The following RTN4RL1 variants were observed in gnomAD, a reference collection of about 807,000 sequenced individuals.
RTN4RL1 encodes the protein reticulon 4 receptor like 1.
RTN4RL1 carries 7 observed loss-of-function variants against 25.6 expected under a neutral mutation model. That is an observed-to-expected ratio of 0.27 (90% CI 0.16 to 0.51). The LOEUF (loss-of-function observed/expected upper bound fraction) is 0.51, where lower values mean the gene tolerates loss of function less well. Among genes scored for constraint, RTN4RL1 ranks in the 20% least tolerant of loss-of-function variants. RTN4RL1 has a pLI of 0.97. For synonymous variants in RTN4RL1, 297 were observed against 288.2 expected, an observed-to-expected ratio of 1.03 and a Z score of -0.31; for missense variants, 500 against 615.6, an observed-to-expected ratio of 0.81 and a Z score of 1.99.
intron 1 of RTN4RL1, among the ~76,000 whole-genome samples, chr17:2,002,659 TTC>T (rs1462776059): frequency 1.3e-5 from 2 of 151,996 alleles, no homozygotes; most frequent in African/African-American, 2.4e-5. Flanking sequence ...TTCCTTTCTT[TTC>T]TCTGTCTCTG....
intron 1 of RTN4RL1, among the ~76,000 whole-genome samples, chr17:1,961,773 CAAAAAAA>C (rs1163170575): frequency 0.012 from 650 of 55,622 alleles, 6 homozygotes; most frequent in African/African-American, 0.038. Context: ...ACTAAAAATA[CAAAAAAA>C]AAAAAAAAAA....
At position 1,968,759 on chromosome 17, in the gene RTN4RL1, C is replaced by T. The variant is rs1483524895; in HGVS notation, c.14-30951G>A. On this transcript the variant is annotated intron_variant, in intron 1 of 1. Coordinates refer to ENST00000331238, the MANE Select transcript of RTN4RL1 (RefSeq NM_178568.4). ...CCCTCCTTCCCGCACCTGCCTGGCTCATTGCACTTGTTCTTTGAACTTGGC... is the reference window on the plus strand; with the variant it reads ...CCCTCCTTCCCGCACCTGCCTGGCTTATTGCACTTGTTCTTTGAACTTGGC... 1.1e-4 allele frequency among the ~76,000 whole-genome samples: 16 copies of T among 152,360 alleles called. 1 individual carries two copies. In the East Asian group the frequency reaches 1.2e-3, roughly 11 times the overall value.
intron 1 of RTN4RL1, chr17:2,020,029 CTCT>C (rs1320797942): frequency 6.6e-6 from 1 of 152,178 alleles, no homozygotes; most frequent in Non-Finnish European, 1.5e-5. Context: ...AAAATCTCTC[CTCT>C]TGACGTCTTT....
chr17:1,999,691 C>CGCACAGGCACACACACTCTT (rs2066948079), intron 1 of RTN4RL1, among the ~76,000 whole-genome samples: 1 of 151,706 alleles, frequency 6.6e-6, no homozygotes, highest in South Asian at 2.1e-4. Flanking sequence ...CACACACACA[C>CGCACAGGCACACACACTCTT]GCACAGGCAC....
chr17:2,004,316 C>T lies in RTN4RL1; in HGVS notation c.13+20537G>A, dbSNP rs561883526. 1.2e-3 allele frequency among the ~76,000 whole-genome samples: 174 copies of T among 139,324 alleles called. 1 individual carries two copies. Among genetic ancestry groups the T allele is most frequent in the Non-Finnish European group, 2.1e-3 (137 of 66,478 alleles). 91.4% of individuals were successfully genotyped at this position (139,324 alleles called of 152,430 possible). ...CTGGGAGGCGGAACTTGGAGTGAGC[C>T]GAGATCGCGCCACTGCACTCCAGCC... On this transcript the variant is annotated intron_variant, in intron 1 of 1. Coordinates refer to ENST00000331238, the MANE Select transcript of RTN4RL1 (RefSeq NM_178568.4).
intron 1 of RTN4RL1, among the ~76,000 whole-genome samples, chr17:2,015,409 A>G (rs1290574326): frequency 2.0e-5 from 3 of 152,154 alleles, no homozygotes; most frequent in African/African-American, 7.2e-5. Flanking sequence ...CTGGGGAGTC[A>G]GTCAATGGCC....
chr17:1,945,089 G>A (rs116362460), intron 1 of RTN4RL1, among the ~76,000 whole-genome samples: 59 of 152,204 alleles, frequency 3.9e-4, no homozygotes, highest in African/African-American at 1.3e-3. Flanking sequence ...CCTTTTGCAC[G>A]TGCTGTTCCC....
Position 1,937,628 on chromosome 17 carries a change from C to A in RTN4RL1, c.194G>T (p.Arg65Leu). 1.9e-6 allele frequency: 3 copies of A among 1,613,838 alleles called. No homozygotes were observed. Among genetic ancestry groups the A allele is most frequent in the South Asian group, 1.1e-5 (1 of 91,058 alleles). Residue 65 changes from arginine to leucine, a missense_variant, in exon 2 of 2, where the codon CGC (arginine) becomes CTC (leucine). Arg to Leu is a moderately radical substitution (Grantham distance 102, BLOSUM62 -2). Transcript: ENST00000331238. ...GTGGCCGGGCTGGAGGAGGCCGATG[C>A]GGTTGTTCTGCAGGAAGACGCGCTC... The part of the protein sequence containing the change: ...DSERVFLQNN[R>L]IGLLQPGHFS...
chr17:1,953,094 AAAAT>A (rs1447790043), intron 1 of RTN4RL1, among the ~76,000 whole-genome samples: 2 of 151,466 alleles, frequency 1.3e-5, no homozygotes, highest in Admixed American at 6.6e-5. Context: ...AAAATAAAAT[AAAAT>A]AAATAAATAT....
At chr17:2,010,821 G>C (rs910402711) in intron 1 of RTN4RL1, among the ~76,000 whole-genome samples, 2 of 152,124 alleles carry the variant, frequency 1.3e-5, no homozygotes, top group African/African-American at 4.8e-5. Flanking sequence ...TCCTGGGTTC[G>C]AGTGATCCTC....
intron 1 of RTN4RL1, among the ~76,000 whole-genome samples, chr17:1,973,868 G>A (rs758158828): frequency 1.3e-5 from 2 of 151,756 alleles, no homozygotes; most frequent in African/African-American, 2.4e-5. Context: ...GTGAAACCCC[G>A]TCTCTACTAA....
At chr17:1,941,566 G>C (rs1474425034) in intron 1 of RTN4RL1, among the ~76,000 whole-genome samples, 1 of 152,192 alleles carries the variant, frequency 6.6e-6, no homozygotes, top group African/African-American at 2.4e-5. Context: ...TCCCGTCCCA[G>C]TGCCTGAGGA....
intron 1 of RTN4RL1, among the ~76,000 whole-genome samples, chr17:2,012,409 C>T (rs979408356): frequency 5.3e-5 from 8 of 152,194 alleles, no homozygotes; most frequent in Non-Finnish European, 1.2e-4. Flanking sequence ...CTCAGAGCCT[C>T]GGTATCCTCA....
At chr17:1,992,081 C>T (rs548583074) in intron 1 of RTN4RL1, among the ~76,000 whole-genome samples, 2 of 152,074 alleles carry the variant, frequency 1.3e-5, no homozygotes, top group East Asian at 1.9e-4. Flanking sequence ...AAAGAGTCCT[C>T]GTGCCGGGCG....
At chr17:2,002,596 TTTC>T (rs2066967015) in intron 1 of RTN4RL1, among the ~76,000 whole-genome samples, 1 of 151,664 alleles carries the variant, frequency 6.6e-6, no homozygotes, top group Non-Finnish European at 1.5e-5. Context: ...CCGGCCTGTC[TTTC>T]TTTATTTCCT....
At chr17:1,973,222 G>A (rs146309439) in intron 1 of RTN4RL1, among the ~76,000 whole-genome samples, 11 of 152,114 alleles carry the variant, frequency 7.2e-5, no homozygotes, top group East Asian at 1.9e-4. Context: ...AAAATTAGCC[G>A]GGCGTAGTGG....
intron 1 of RTN4RL1, among the ~76,000 whole-genome samples, chr17:1,963,724 GT>G (rs1388609464): frequency 2.0e-5 from 3 of 152,088 alleles, no homozygotes; most frequent in Non-Finnish European, 4.4e-5. Flanking sequence ...GCCCTTCGGA[GT>G]TTTTTCTTTT....
intron 1 of RTN4RL1, among the ~76,000 whole-genome samples, chr17:2,021,756 T>C (rs1319675996): frequency 1.3e-5 from 2 of 151,498 alleles, no homozygotes; most frequent in African/African-American, 2.4e-5. Context: ...GGTTTCACCA[T>C]GTTGGCCAGG....
intron 1 of RTN4RL1, among the ~76,000 whole-genome samples, chr17:1,945,781 T>C (rs1279287146): frequency 6.6e-6 from 1 of 152,226 alleles, no homozygotes; most frequent in African/African-American, 2.4e-5. Flanking sequence ...TGGTTTTGCC[T>C]GCTGTGTTCT....
Sources: gnomAD v4.1 joint callset for allele counts (sites outside exome capture counted in the v4.1 genomes callset) on GRCh38, gnomAD v4.1.1 for gene constraint, MANE v1.5 for transcripts, NCBI Gene and HGNC (gene_info 2026-07-23, HGNC 2026-07-21) for gene names.